Variants in GTSE1 observed in about 807,000 individuals in gnomAD.
The protein encoded by GTSE1 is G2 and S-phase expressed 1.
Under a neutral mutation model 60.5 loss-of-function variants are expected in GTSE1, and 52 were observed. That is an observed-to-expected ratio of 0.86 (90% confidence interval 0.69 to 1.08). The LOEUF is 1.08. Ranked by LOEUF, GTSE1 falls within the 50% of genes least tolerant of loss-of-function variation. The pLI, the probability that GTSE1 is intolerant of heterozygous loss-of-function variation, is 0.00. For missense variants in GTSE1, 937 were observed against 961.8 expected (o/e 0.97, Z 0.34); for synonymous variants, 368 against 386.5 (o/e 0.95, Z 0.56).
Position 46,319,535 on chromosome 22 carries a change from G to A in GTSE1, c.1432+3123G>A, listed in dbSNP as rs1461311875. Among the ~76,000 whole-genome samples, 1 of 152,164 alleles carries A rather than the reference G, an allele frequency of 6.6e-6. No individual in the cohort carries two copies. The stretch of plus-strand genomic sequence containing the variant: ...TCATGTGACAGGAGGGCTGGAAGAG[G>A]CAGCGGGCAGAGTCCACGGCCCCAT... On this transcript the variant is annotated intron_variant, in intron 7 of 11. Coordinates refer to ENST00000454366, the MANE Select transcript of GTSE1 (RefSeq NM_016426.7). The surrounding 1 kb of genome is among the most constrained non-coding windows in gnomAD (Gnocchi z 5.0).
chr22:46,303,018 G>A (rs2077697869), intron 2 of GTSE1, among the ~76,000 whole-genome samples: 1 of 150,170 alleles, frequency 6.7e-6, no homozygotes, highest in Admixed American at 6.7e-5. Context: ...TTCTGCATCA[G>A]CCTCCCAAGT....
Position 46,316,718 on chromosome 22 carries a change from T to C in GTSE1, c.1432+306T>C, listed in dbSNP as rs1601911085. Among the ~76,000 whole-genome samples the C allele has an allele frequency of 6.6e-6, 1 of 152,190 alleles. No homozygotes were observed. The highest frequency in any genetic ancestry group is 2.4e-5 in the African/African-American group (1 of 41,448). On this transcript the variant is annotated intron_variant, in intron 7 of 11. Transcript: ENST00000454366. The surrounding 1 kb of genome is among the most constrained non-coding windows in gnomAD (Gnocchi z 5.0). ...TGCTTTGAGGTGGCTTTCTTTGCCT[T>C]TATCCCGCTGAGGGTTTCTTAAGCT...
intron 7 of GTSE1, among the ~76,000 whole-genome samples, chr22:46,322,073 CAAAAAAAAAAAA>C (rs769915567): frequency 2.2e-4 from 10 of 44,612 alleles, no homozygotes; most frequent in East Asian, 8.0e-4. Flanking sequence ...GACTCTGTCT[CAAAAAAAAAAAA>C]AAAAAAAAAA....
In GTSE1 at chr22:46,316,768, T is replaced by C. The variant is rs538536713; in HGVS notation, c.1432+356T>C. ...TTCTTTGATCTGTGGGTTGGTTTTT[T>C]TCAGCAAATTTGGAAAACGTTGGCC... is the stretch of plus-strand genomic sequence containing the variant. On this transcript the variant is annotated intron_variant, in intron 7 of 11. Transcript: ENST00000454366. This position sits in a 1 kb window ranked among gnomAD's most constrained non-coding sequence, Gnocchi z 5.0. Among the ~76,000 whole-genome samples the C allele has an allele frequency of 6.6e-6, 1 of 152,350 alleles. No homozygotes were observed. The highest frequency in any genetic ancestry group is 2.1e-4 in the South Asian group (1 of 4,830).
rs2077832194 is a variant in GTSE1 at position 46,324,417 on chromosome 22, G to C, written c.1505+1155G>C. Among the ~76,000 whole-genome samples the C allele has an allele frequency of 6.6e-6, 1 of 151,968 alleles. No individual in the cohort carries two copies. The highest frequency in any genetic ancestry group is 2.4e-5 in the African/African-American group (1 of 41,362). ...GAGTCTCACTCTGTCACCCAGGCTGGAGGGCAGTGGCACGATCTCAGCTCA... is the reference window on the plus strand; with the variant it reads ...GAGTCTCACTCTGTCACCCAGGCTGCAGGGCAGTGGCACGATCTCAGCTCA... On this transcript the variant is annotated intron_variant, in intron 8 of 11. Transcript: ENST00000454366. The surrounding 1 kb of genome is among the most constrained non-coding windows in gnomAD (Gnocchi z 5.2).
intron 4 of GTSE1, among the ~76,000 whole-genome samples, chr22:46,311,616 T>C (rs1237641475): frequency 1.3e-5 from 2 of 152,234 alleles, no homozygotes; most frequent in Non-Finnish European, 2.9e-5. Flanking sequence ...AAGGGGGCTA[T>C]TTATGTAAGT....
Position 46,329,028 on chromosome 22 carries a change from AC to A in GTSE1, c.1926+142del. On this transcript the variant is annotated intron_variant, in intron 10 of 11. Coordinates refer to ENST00000454366, the MANE Select transcript of GTSE1 (RefSeq NM_016426.7). The surrounding 1 kb of genome is among the most constrained non-coding windows in gnomAD (Gnocchi z 6.4). Reference sequence around the variant, plus strand: ...GGGGCCAGTGCCTCCGTGCCAAGCAACCCAAAGGGAGGCAGTCAGGACTTCC... The same window carrying A: ...GGGGCCAGTGCCTCCGTGCCAAGCAACCAAAGGGAGGCAGTCAGGACTTCC... 1.4e-6 allele frequency: 1 copy of A among 693,704 alleles called. No homozygotes were observed. Among genetic ancestry groups the A allele is most frequent in the Non-Finnish European group, 2.4e-6 (1 of 408,872 alleles). The allele number at this position is 693,704 out of a possible 1,614,324, so 43.0% of individuals were successfully genotyped here. A position where few individuals can be genotyped will look rare whatever the true frequency, so the allele number is the denominator to read the frequency against.
At chr22:46,312,529 C>T (rs2077754726) in intron 5 of GTSE1, among the ~76,000 whole-genome samples, 1 of 151,718 alleles carries the variant, frequency 6.6e-6, no homozygotes, top group African/African-American at 2.4e-5. Flanking sequence ...GTCCCAGCTA[C>T]TCAGGAGGCT....
rs1267530930 is a variant in GTSE1 at position 46,317,644 on chromosome 22, T to C, written c.1432+1232T>C. Among the ~76,000 whole-genome samples the C allele has an allele frequency of 6.6e-6, 1 of 152,232 alleles. No homozygotes were observed. The highest frequency in any genetic ancestry group is 1.9e-4 in the East Asian group (1 of 5,200). On this transcript the variant is annotated intron_variant, in intron 7 of 11. Coordinates refer to ENST00000454366, the MANE Select transcript of GTSE1 (RefSeq NM_016426.7). The surrounding 1 kb of genome is among the most constrained non-coding windows in gnomAD (Gnocchi z 5.6). ...TGTTGTCTTTCTCTGAGGAGTTGGGTTGGGCTTGGCAGGCAGTTAAGGTGC... is the reference window on the plus strand; with the variant it reads ...TGTTGTCTTTCTCTGAGGAGTTGGGCTGGGCTTGGCAGGCAGTTAAGGTGC...
At chr22:46,301,830 C>G (rs1274951383) in intron 2 of GTSE1, among the ~76,000 whole-genome samples, 1 of 152,146 alleles carries the variant, frequency 6.6e-6, no homozygotes, top group Non-Finnish European at 1.5e-5. Flanking sequence ...TTCTTGCCAT[C>G]TATTTAAGAA....
rs1023044098 is a variant in GTSE1, at chr22:46,324,219, A to G, written c.1505+957A>G. Among the ~76,000 whole-genome samples the G allele has an allele frequency of 1.3e-5, 2 of 152,152 alleles. No homozygotes were observed. Among genetic ancestry groups the G allele is most frequent in the African/African-American group, 2.4e-5 (1 of 41,432 alleles). On this transcript the variant is annotated intron_variant, in intron 8 of 11. Coordinates refer to ENST00000454366, the MANE Select transcript of GTSE1 (RefSeq NM_016426.7). The surrounding 1 kb of genome is among the most constrained non-coding windows in gnomAD (Gnocchi z 5.2). ...TCCCTCACGTGCTGCGCATGGTGCC[A>G]TGCTAAGCTGCCGTCCCTCCCATGC...
At position 46,329,373 on chromosome 22, in the gene GTSE1, A is replaced by G; in HGVS notation, c.1942A>G (p.Ile648Val). 3 of 1,613,960 alleles carry G rather than the reference A, an allele frequency of 1.9e-6. No individual in the cohort carries two copies. Among genetic ancestry groups the G allele is most frequent in the South Asian group, 1.1e-5 (1 of 91,072 alleles). ...AAPSEALLVD[I>V]KLEPLAVTPD... Reference sequence around the variant, plus strand: ...TTGTACCCAGGCTCTTCTTGTAGATATCAAACTGGAACCACTCGCGGTCAC... The same window carrying G: ...TTGTACCCAGGCTCTTCTTGTAGATGTCAAACTGGAACCACTCGCGGTCAC... Residue 648 changes from isoleucine to valine, a missense_variant, in exon 11 of 12, where the codon ATC (isoleucine) becomes GTC (valine). Coordinates refer to ENST00000454366, the MANE Select transcript of GTSE1 (RefSeq NM_016426.7). This position sits in a 1 kb window ranked among gnomAD's most constrained non-coding sequence, Gnocchi z 6.4.
chr22:46,323,740 T>G (rs1601915876), intron 8 of GTSE1, among the ~76,000 whole-genome samples: 1 of 151,912 alleles, frequency 6.6e-6, no homozygotes, highest in South Asian at 2.1e-4. Context: ...CAGGCTGGAG[T>G]GCAGTGGCAC....
rs1217855874 is a variant in GTSE1 at position 46,329,523 on chromosome 22, G to C, written c.2092G>C (p.Asp698His). 1 of 1,614,062 alleles carries C rather than the reference G, an allele frequency of 6.2e-7. No homozygotes were observed. The highest frequency in any genetic ancestry group is 1.3e-5 in the African/African-American group (1 of 74,924). Residue 698 changes from aspartate (D) to histidine (H), a missense_variant, in exon 11 of 12, where the codon GAC (aspartate) becomes CAC (histidine). By Grantham distance (81) the Asp-to-His change is moderately conservative (BLOSUM62 -1). Transcript: ENST00000454366. The surrounding 1 kb of genome is among the most constrained non-coding windows in gnomAD (Gnocchi z 6.4). ...PLIDLMTNTPDMNKNVAKPSP... is the reference protein window; with the variant it reads ...PLIDLMTNTPHMNKNVAKPSP... ...GATCGACCTCATGACAAACACTCCA[G>C]ACATGAATAAAAATGTGGCCAAACC... is the stretch of plus-strand genomic sequence containing the variant.
chr22:46,330,032 T>C lies in GTSE1; in HGVS notation c.2137-15T>C, dbSNP rs772355019. ...CCGGATCCACGCTCACCTCCTCCACTCTGCTCTCTTCCAGCTCATAGACCT... is the reference window on the plus strand; with the variant it reads ...CCGGATCCACGCTCACCTCCTCCACCCTGCTCTCTTCCAGCTCATAGACCT... On this transcript the variant is annotated splice_polypyrimidine_tract_variant and intron_variant, in intron 11 of 11. Transcript: ENST00000454366. This position sits in a 1 kb window ranked among gnomAD's most constrained non-coding sequence, Gnocchi z 6.0. 1 of 1,557,846 alleles carries C rather than the reference T, an allele frequency of 6.4e-7. No homozygotes were observed. Among genetic ancestry groups the C allele is most frequent in the South Asian group, 1.1e-5 (1 of 89,954 alleles).
chr22:46,298,811 A>C (rs1363751398), intron 2 of GTSE1, among the ~76,000 whole-genome samples: 2 of 151,536 alleles, frequency 1.3e-5, no homozygotes, highest in Non-Finnish European at 2.9e-5. Context: ...CGTTGACCTG[A>C]CTTCATTTCC....
Position 46,329,212 on chromosome 22 carries a change from C to T in GTSE1, c.1927-146C>T, listed in dbSNP as rs2077861867. On this transcript the variant is annotated intron_variant, in intron 10 of 11. Transcript: ENST00000454366. This position sits in a 1 kb window ranked among gnomAD's most constrained non-coding sequence, Gnocchi z 6.4. Reference sequence around the variant, plus strand: ...TCAGAGAGGCACGGCCCACCCCATACAGAGCCTCCTTCCACCAAGGCCCCG... The same window carrying T: ...TCAGAGAGGCACGGCCCACCCCATATAGAGCCTCCTTCCACCAAGGCCCCG... 4.0e-6 allele frequency: 3 copies of T among 749,454 alleles called. No individual in the cohort carries two copies. Among genetic ancestry groups the T allele is most frequent in the East Asian group, 4.9e-5 (2 of 41,028 alleles). The allele number at this position is 749,454 out of a possible 1,614,324, so 46.4% of individuals were successfully genotyped here. A position where few individuals can be genotyped will look rare whatever the true frequency, so the allele number is the denominator to read the frequency against.
Position 46,310,851 on chromosome 22 carries a change from A to G in GTSE1, c.763-1290A>G, listed in dbSNP as rs1341169461. On this transcript the variant is annotated intron_variant, in intron 4 of 11. Coordinates refer to ENST00000454366, the MANE Select transcript of GTSE1 (RefSeq NM_016426.7). The surrounding 1 kb of genome is among the most constrained non-coding windows in gnomAD (Gnocchi z 4.4). The stretch of plus-strand genomic sequence containing the variant: ...AGGCTGAGGCAGGAGAATCGCCTGA[A>G]CCCAGGAGGTGGAGGTTGCAGTGAG... Among the ~76,000 whole-genome samples the G allele has an allele frequency of 6.6e-6, 1 of 152,150 alleles. No homozygotes were observed. The highest frequency in any genetic ancestry group is 1.5e-5 in the Non-Finnish European group (1 of 68,018).
rs767975625 is a variant in GTSE1, at chr22:46,313,849, C to A, written c.928-41C>A. Reference sequence around the variant, plus strand: ...GCAGACACAAGTAATAGGTAAATAACGAGATCTTTGCTGATTCTGTTTTTT... The same window carrying A: ...GCAGACACAAGTAATAGGTAAATAAAGAGATCTTTGCTGATTCTGTTTTTT... On this transcript the variant is annotated intron_variant, in intron 5 of 11. Coordinates refer to ENST00000454366, the MANE Select transcript of GTSE1 (RefSeq NM_016426.7). This position sits in a 1 kb window ranked among gnomAD's most constrained non-coding sequence, Gnocchi z 4.4. 1 of 1,611,498 alleles carries A rather than the reference C, an allele frequency of 6.2e-7. No homozygotes were observed.
Sources: allele counts gnomAD v4.1 joint callset (sites outside exome capture counted in the v4.1 genomes callset), GRCh38; gene constraint gnomAD v4.1.1; non-coding constraint Gnocchi (gnomAD v3.1); transcripts MANE v1.5; gene names NCBI Gene and HGNC (gene_info 2026-07-23, HGNC 2026-07-21).